DUT: variants seen among roughly 807,000 people sequenced by gnomAD.
DUT encodes the protein deoxyuridine 5'-triphosphate nucleotidohydrolase, mitochondrial.
A neutral mutation model predicts 28.8 loss-of-function variants in DUT; 21 were observed. That is an observed-to-expected ratio of 0.73 (90% CI 0.52 to 1.05). The LOEUF (loss-of-function observed/expected upper bound fraction) is 1.05. Among genes scored for constraint, DUT ranks in the 50% least tolerant of loss-of-function variants. The pLI is 0.00. For missense variants in DUT, 344 were observed against 351.8 expected, an observed-to-expected ratio of 0.98 and a Z score of 0.18; for synonymous variants, 147 against 143.7, an observed-to-expected ratio of 1.02 and a Z score of -0.17.
At chr15:48,332,666 A>G (rs1474892496) in intron 2 of DUT, 3 of 658,754 alleles carry the variant, frequency 4.6e-6, no homozygotes, top group Admixed American at 4.1e-5. Context: ...CCTAAATAGA[A>G]GATAGAGAGG....
At position 48,342,404 on chromosome 15, in the gene DUT, A is replaced by C. The variant is rs1566876051; in HGVS notation, c.*326A>C. The stretch of plus-strand genomic sequence containing the variant: ...AAATCAATTACAGATTAAAAAAAAA[A>C]GCCTGTATTTAACTCATATGATCTC... On this transcript the variant is annotated 3_prime_UTR_variant, in exon 7 of 7. Transcript: ENST00000331200. 1 of 163,232 alleles carries C rather than the reference A, an allele frequency of 6.1e-6. No homozygotes were observed. The highest frequency in any genetic ancestry group is 2.4e-5 in the African/African-American group (1 of 41,886). 10.1% of individuals were successfully genotyped at this position (163,232 alleles called of 1,614,324 possible). A position where few individuals can be genotyped will look rare whatever the true frequency, so the allele number is the denominator to read the frequency against.
At chr15:48,341,684 T>C in intron 6 of DUT, 99 bp downstream of exon 6, 1 of 1,007,222 alleles carries the variant, frequency 9.9e-7, no homozygotes, top group Non-Finnish European at 1.5e-6. Flanking sequence ...TGTAACTAAA[T>C]AGTATATATG....
chr15:48,340,859 C>T (rs1189518310), intron 4 of DUT, among the ~76,000 whole-genome samples: 3 of 152,072 alleles, frequency 2.0e-5, no homozygotes, highest in Non-Finnish European at 4.4e-5. Flanking sequence ...CACTGCAGAG[C>T]TTTAGGCTTT....
In DUT at chr15:48,336,042, T is replaced by A. The variant is rs1434144598; in HGVS notation, c.512-4T>A. The A allele has an allele frequency of 3.1e-6, 5 of 1,603,962 alleles. No individual in the cohort carries two copies. In the Admixed American group the frequency reaches 8.8e-5, roughly 28 times the overall value. Reference sequence around the variant, plus strand: ...TAACCAATGTCTCCTTTTTTGTTTTTTAGCTCCACGGTCAGGCTTGGCTGC... The same window carrying A: ...TAACCAATGTCTCCTTTTTTGTTTTATAGCTCCACGGTCAGGCTTGGCTGC... On this transcript the variant is annotated splice_region_variant and splice_polypyrimidine_tract_variant and intron_variant, in intron 3 of 6. Coordinates refer to ENST00000331200, the MANE Select transcript of DUT (RefSeq NM_001025248.2).
At chr15:48,337,396 T>G (rs1424539757) in intron 4 of DUT, among the ~76,000 whole-genome samples, 1 of 152,226 alleles carries the variant, frequency 6.6e-6, no homozygotes, top group African/African-American at 2.4e-5. Flanking sequence ...CAACTGGATG[T>G]AGGTCCCAGC....
intron 6 of DUT, 80 bp from the exon 7 acceptor site, chr15:48,341,942 T>G (rs1597486480): frequency 9.3e-7 from 1 of 1,071,800 alleles, no homozygotes; most frequent in East Asian, 2.6e-5. Flanking sequence ...TCTGGCTGTA[T>G]TTTTCTTAGG....
chr15:48,342,121 TTA>T lies in DUT; in HGVS notation c.*44_*45del. ...GAAAACAAGAAGTCATACCTTTTTC[TTA>T]AAAAAAAAAAAAAAGTTTTTGCTTC... is the stretch of plus-strand genomic sequence containing the variant. On this transcript the variant is annotated 3_prime_UTR_variant, in exon 7 of 7. Transcript: ENST00000331200. 7.2e-7 allele frequency: 1 copy of T among 1,390,172 alleles called. No individual in the cohort carries two copies. Among genetic ancestry groups the T allele is most frequent in the Non-Finnish European group, 9.6e-7 (1 of 1,039,868 alleles). 86.1% of individuals were successfully genotyped at this position (1,390,172 alleles called of 1,614,324 possible). A position where few individuals can be genotyped will look rare whatever the true frequency, so the allele number is the denominator to read the frequency against.
At chr15:48,338,607 C>A (rs2042499004) in intron 4 of DUT, among the ~76,000 whole-genome samples, 1 of 152,174 alleles carries the variant, frequency 6.6e-6, no homozygotes, top group African/African-American at 2.4e-5. Flanking sequence ...TTGTACTCAT[C>A]ATATTGGCCA....
At chr15:48,335,729 C>T (rs148216754) in intron 3 of DUT, among the ~76,000 whole-genome samples, 1 of 152,282 alleles carries the variant, frequency 6.6e-6, no homozygotes, top group African/African-American at 2.4e-5. Context: ...CAGTTGTTCC[C>T]GCTTGCTCAC....
chr15:48,332,441 G>T, intron 2 of DUT, 35 bp downstream of exon 2: 1 of 1,492,964 alleles, frequency 6.7e-7, no homozygotes, highest in Non-Finnish European at 8.9e-7. Context: ...AGGCTGGGAA[G>T]GGCCGGCCGT....
At chr15:48,334,098 T>G (rs1005244528) in intron 2 of DUT, among the ~76,000 whole-genome samples, 1 of 152,214 alleles carries the variant, frequency 6.6e-6, no homozygotes, top group African/African-American at 2.4e-5. Context: ...TTCACGCTGA[T>G]AAGTACCTCA....
rs1274580655 is a variant in DUT at position 48,342,120 on chromosome 15, C to CT, written c.*44dup. The CT allele has an allele frequency of 1.6e-6, 2 of 1,245,294 alleles. No homozygotes were observed. The highest frequency in any genetic ancestry group is 2.8e-5 in the Admixed American group (1 of 35,418). 77.1% of individuals were successfully genotyped at this position (1,245,294 alleles called of 1,614,324 possible). On this transcript the variant is annotated 3_prime_UTR_variant, in exon 7 of 7. Coordinates refer to ENST00000331200, the MANE Select transcript of DUT (RefSeq NM_001025248.2). ...AGAAAACAAGAAGTCATACCTTTTT[C>CT]TTAAAAAAAAAAAAAAAGTTTTTGC... is the stretch of plus-strand genomic sequence containing the variant.
chr15:48,342,258 CAAAG>C lies in DUT; in HGVS notation c.*183_*186del, dbSNP rs2042546686. On this transcript the variant is annotated 3_prime_UTR_variant, in exon 7 of 7. Coordinates refer to ENST00000331200, the MANE Select transcript of DUT (RefSeq NM_001025248.2). ...AGGAAAAGATCATTAAAAAAAAACACAAAGAAGTTTTTCTTTGTGTTTGGATCAA... is the reference window on the plus strand; with the variant it reads ...AGGAAAAGATCATTAAAAAAAAACACAAGTTTTTCTTTGTGTTTGGATCAA... The C allele has an allele frequency of 5.3e-6, 2 of 379,852 alleles. No homozygotes were observed. The highest frequency in any genetic ancestry group is 9.3e-6 in the Non-Finnish European group (2 of 214,190). The allele number at this position is 379,852 out of a possible 1,614,324, so 23.5% of individuals were successfully genotyped here. A position where few individuals can be genotyped will look rare whatever the true frequency, so the allele number is the denominator to read the frequency against.
intron 2 of DUT, chr15:48,332,715 C>T: frequency 1.7e-6 from 1 of 584,090 alleles, no homozygotes; most frequent in East Asian, 3.9e-5. Flanking sequence ...GAGGGTGATG[C>T]TGTGCTCAAT....
chr15:48,332,275 C>G lies in DUT; in HGVS notation c.288C>G (p.Pro96=), dbSNP rs11549424. ...GGSPAPGPET[P]AISPSKRARP... ...CCATGCCCTGCTCTGAAGAGACACC[C>G]GCCATTTCACCCAGTAAGCGGGCCC... Residue 96 remains proline, a synonymous_variant, in exon 2 of 7, where the codon CCC becomes CCG. Coordinates refer to ENST00000331200, the MANE Select transcript of DUT (RefSeq NM_001025248.2). 3 of 1,608,636 alleles carry G rather than the reference C, an allele frequency of 1.9e-6. No homozygotes were observed. The highest frequency in any genetic ancestry group is 2.5e-6 in the Non-Finnish European group (3 of 1,178,368).
At chr15:48,331,297 C>T (rs28381096), upstream of DUT, 1 of 1,445,350 alleles carries the variant, frequency 6.9e-7, no homozygotes, top group Non-Finnish European at 9.1e-7. Flanking sequence ...CAGCCAGAGG[C>T]GGCAGCAAGA....
In DUT at chr15:48,331,685, T is replaced by TGTCCAGCGCTGGCCGCC; in HGVS notation, c.171_187dup (p.Leu63ArgfsTer7). The TGTCCAGCGCTGGCCGCC allele has an allele frequency of 6.6e-7, 1 of 1,525,606 alleles. No individual in the cohort carries two copies. The highest frequency in any genetic ancestry group is 8.8e-7 in the Non-Finnish European group (1 of 1,137,062). 94.5% of individuals were successfully genotyped at this position (1,525,606 alleles called of 1,614,324 possible). A position where few individuals can be genotyped will look rare whatever the true frequency, so the allele number is the denominator to read the frequency against. On this transcript the variant is annotated frameshift_variant, in exon 1 of 7. Coordinates refer to ENST00000331200, the MANE Select transcript of DUT (RefSeq NM_001025248.2). LOFTEE classifies it high-confidence loss of function. Reference sequence around the variant, plus strand: ...GCGCAGCACGGGATTCCCCGGCCGCTGTCCAGCGCTGGCCGCCTGAGCCAA... The same window carrying TGTCCAGCGCTGGCCGCC: ...GCGCAGCACGGGATTCCCCGGCCGCTGTCCAGCGCTGGCCGCCGTCCAGCGCTGGCCGCCTGAGCCAA...
At chr15:48,332,594 A>G (rs547428177) in intron 2 of DUT, 188 bp downstream of exon 2, 60 of 694,174 alleles carry the variant, frequency 8.6e-5, no homozygotes, top group East Asian at 8.4e-4. Flanking sequence ...AGACTGCAGA[A>G]TAAGTAAAAT....
chr15:48,332,696 G>C (rs1320629128), intron 2 of DUT: 2 of 616,694 alleles, frequency 3.2e-6, no homozygotes, highest in Non-Finnish European at 6.0e-6. Context: ...GGTGGCTTTC[G>C]AGTGGCCCGA....
Sources: allele counts gnomAD v4.1 joint callset (sites outside exome capture counted in the v4.1 genomes callset), GRCh38; gene constraint gnomAD v4.1.1; transcripts MANE v1.5; gene names NCBI Gene and HGNC (gene_info 2026-07-23, HGNC 2026-07-21).